Variants in SIDT1 observed in about 807,000 individuals in gnomAD.
SIDT1 encodes SID1 transmembrane family, member 1.
SIDT1 carries 101 observed loss-of-function variants against 107.5 expected under a neutral mutation model. The ratio of observed to expected loss-of-function variants is 0.94; its 90% CI spans 0.80 to 1.11. SIDT1 has a LOEUF of 1.11. Ranked by LOEUF, SIDT1 falls within the 50% of genes least tolerant of loss-of-function variation. The pLI is 0.00. For missense variants in SIDT1, 1,076 were observed against 1,058.2 expected (o/e 1.02, Z -0.23); for synonymous variants, 395 against 398.2 (o/e 0.99, Z 0.10).
chr3:113,560,555 A>C (rs1330506657), intron 1 of SIDT1, among the ~76,000 whole-genome samples: 1 of 152,150 alleles, frequency 6.6e-6, no homozygotes, highest in East Asian at 1.9e-4. Context: ...CACCCAGCGA[A>C]CACAACCAAA....
chr3:113,585,040 C>A, intron 8 of SIDT1, 137 bp from the exon 9 acceptor site: 2 of 676,472 alleles, frequency 3.0e-6, no homozygotes, highest in Non-Finnish European at 2.6e-6. Flanking sequence ...CCTCCAGTAG[C>A]AGTTTTGCTG....
At position 113,542,902 on chromosome 3, in the gene SIDT1, TTGTGTGTGTGTGTGTG is replaced by T. The variant is rs71625216; in HGVS notation, c.222+9681_222+9696del. On this transcript the variant is annotated intron_variant, in intron 1 of 24. Transcript: ENST00000264852. ...AGACTTTTAATTAGTTTTTGCTTGG[TTGTGTGTGTGTGTGTG>T]TGTGTGTGTGTGTGTGTGTGTTTGT... 3.1e-3 allele frequency among the ~76,000 whole-genome samples: 455 copies of T among 145,246 alleles called. 7 individuals carry two copies. Among genetic ancestry groups the T allele is most frequent in the Non-Finnish European group, 7.3e-4 (48 of 66,096 alleles).
chr3:113,621,079 A>T (rs1946432554), intron 21 of SIDT1, among the ~76,000 whole-genome samples: 1 of 152,202 alleles, frequency 6.6e-6, no homozygotes. Flanking sequence ...ATTTCCCATG[A>T]ATGATATTTT....
intron 20 of SIDT1, among the ~76,000 whole-genome samples, chr3:113,619,192 G>A (rs1403675659): frequency 6.6e-6 from 1 of 152,174 alleles, no homozygotes; most frequent in Non-Finnish European, 1.5e-5. Flanking sequence ...TGTAGACACA[G>A]GAACCTGTGA....
At chr3:113,583,601 T>C in intron 7 of SIDT1, 105 bp downstream of exon 7, 1 of 728,304 alleles carries the variant, frequency 1.4e-6, no homozygotes, top group Non-Finnish European at 2.2e-6. Context: ...AAGGGTTGGT[T>C]CCATCATCAT....
At chr3:113,559,441 T>A (rs546182815) in intron 1 of SIDT1, among the ~76,000 whole-genome samples, 2,585 of 151,764 alleles carry the variant, frequency 0.017, 33 homozygotes, top group Non-Finnish European at 0.027. Flanking sequence ...ATTTATTTTT[T>A]TTTTTTTTTA....
At chr3:113,622,372 A>C (rs765842915) in intron 21 of SIDT1, among the ~76,000 whole-genome samples, 4 of 146,368 alleles carry the variant, frequency 2.7e-5, no homozygotes, top group Non-Finnish European at 3.0e-5. Flanking sequence ...GCTGTGGCAG[A>C]GAATTGCTTA....
chr3:113,604,702 C>T (rs914466795), intron 13 of SIDT1, among the ~76,000 whole-genome samples: 3 of 152,128 alleles, frequency 2.0e-5, no homozygotes, highest in African/African-American at 7.2e-5. Context: ...CTTTAATTCC[C>T]CTTTAGACAA....
rs1336178401 is a variant in SIDT1, at chr3:113,612,122, T to G, written c.1894T>G (p.Phe632Val). The G allele has an allele frequency of 6.2e-7, 1 of 1,614,176 alleles. No individual in the cohort carries two copies. Among genetic ancestry groups the G allele is most frequent in the South Asian group, 1.1e-5 (1 of 91,084 alleles). ...GKNDVWFWVI[F>V]SAIHVLASLA... The stretch of plus-strand genomic sequence containing the variant: ...AAATGACGTATGGTTCTGGGTCATC[T>G]TCTCTGCAATCCACGTTCTGGCCTC... Residue 632 changes from phenylalanine to valine, a missense_variant, in exon 19 of 25, where the codon TTC becomes GTC. By Grantham distance (50) the Phe-to-Val change is conservative. Coordinates refer to ENST00000264852, the MANE Select transcript of SIDT1 (RefSeq NM_017699.3).
At chr3:113,553,715 G>A (rs1052151255) in intron 1 of SIDT1, among the ~76,000 whole-genome samples, 2 of 152,140 alleles carry the variant, frequency 1.3e-5, no homozygotes, top group African/African-American at 4.8e-5. Flanking sequence ...AGCCAAGACT[G>A]GGGAAGTCTA....
chr3:113,593,037 G>C lies in SIDT1; in HGVS notation c.1034G>C (p.Gly345Ala). The C allele has an allele frequency of 6.2e-7, 1 of 1,613,474 alleles. No individual in the cohort carries two copies. The highest frequency in any genetic ancestry group is 8.5e-7 in the Non-Finnish European group (1 of 1,179,396). ...AGAAAATCCATTGATGGAAGCTTTG[G>C]GTCCAATGATGGTAAGAGCAATGCT... ...FQRKSIDGSFGSNDGSGNMVA... is the reference protein window; with the variant it reads ...FQRKSIDGSFASNDGSGNMVA... Residue 345 changes from glycine to alanine, a missense_variant, in exon 10 of 25, where the codon GGG (glycine) becomes GCG (alanine). Coordinates refer to ENST00000264852, the MANE Select transcript of SIDT1 (RefSeq NM_017699.3).
rs61732220 is a variant in SIDT1 at position 113,604,938 on chromosome 3, G to A, written c.1366G>A (p.Ala456Thr). ...CATCATCACCATTGCTGTGTTTTAC[G>A]CGCTGCCCGTGATCCAGCTGGTCAT... ...WNIITIAVFY[A>T]LPVIQLVITY... The change falls in exon 14 of 25, where the codon GCG (alanine) becomes ACG (threonine). Residue 456 changes from alanine to threonine, a missense_variant. Ala to Thr is a moderately conservative substitution (Grantham distance 58). Transcript: ENST00000264852. 23 of 1,613,888 alleles carry A rather than the reference G, an allele frequency of 1.4e-5. No individual in the cohort carries two copies. Among genetic ancestry groups the A allele is most frequent in the Non-Finnish European group, 1.9e-5 (22 of 1,179,994 alleles).
intron 13 of SIDT1, among the ~76,000 whole-genome samples, chr3:113,604,583 T>G (rs1945188961): frequency 6.6e-6 from 1 of 152,248 alleles, no homozygotes; most frequent in Non-Finnish European, 1.5e-5. Context: ...CCCTAATATT[T>G]GTTGGGTACC....
intron 2 of SIDT1, among the ~76,000 whole-genome samples, chr3:113,566,816 G>A (rs891451158): frequency 2.6e-5 from 4 of 152,106 alleles, no homozygotes; most frequent in Admixed American, 1.3e-4. Context: ...GGGGTACTGG[G>A]TCAACCAATA....
chr3:113,550,682 C>G (rs146102946), intron 1 of SIDT1, among the ~76,000 whole-genome samples: 38 of 152,094 alleles, frequency 2.5e-4, no homozygotes, highest in African/African-American at 8.7e-4. Flanking sequence ...AAAGAGGTAG[C>G]TATATTTTAA....
chr3:113,614,970 AAAAAT>A, intron 19 of SIDT1: 1 of 1,364,962 alleles, frequency 7.3e-7, no homozygotes, highest in Non-Finnish European at 1.0e-6. Context: ...CATCTTGAGA[AAAAAT>A]AAAATGACCA....
At position 113,611,038 on chromosome 3, in the gene SIDT1, T is replaced by C; in HGVS notation, c.1751T>C (p.Leu584Pro). 6.2e-7 allele frequency: 1 copy of C among 1,614,100 alleles called. No individual in the cohort carries two copies. Among genetic ancestry groups the C allele is most frequent in the East Asian group, 2.2e-5 (1 of 44,882 alleles). ...DTSFMYMIAG[L>P]CMLKLYQTRH... ...TCCTTCATGTACATGATCGCTGGCC[T>C]GTGCATGCTGAAGCTCTATCAGACC... The change falls in exon 18 of 25, where the codon CTG (leucine) becomes CCG (proline). Residue 584 changes from leucine (L) to proline (P), a missense_variant. By Grantham distance (98) the Leu-to-Pro change is moderately conservative (BLOSUM62 -3). Coordinates refer to ENST00000264852, the MANE Select transcript of SIDT1 (RefSeq NM_017699.3).
chr3:113,557,036 C>T (rs1333239856), intron 1 of SIDT1, among the ~76,000 whole-genome samples: 1 of 151,970 alleles, frequency 6.6e-6, no homozygotes, highest in African/African-American at 2.4e-5. Flanking sequence ...TCAGGCTGGT[C>T]TCGACCTCAG....
downstream of SIDT1, among the ~76,000 whole-genome samples, chr3:113,631,050 G>C (rs762637386): frequency 2.2e-4 from 34 of 151,604 alleles, no homozygotes; most frequent in Non-Finnish European, 3.7e-4. Flanking sequence ...GCATTTCTCT[G>C]ACTCTGGCCC....
Sources: allele counts gnomAD v4.1 joint callset (sites outside exome capture counted in the v4.1 genomes callset), GRCh38; gene constraint gnomAD v4.1.1; transcripts MANE v1.5; gene names NCBI Gene and HGNC (gene_info 2026-07-23, HGNC 2026-07-21).